FMN2: variants seen among roughly 807,000 people sequenced by gnomAD.
FMN2 encodes formin 2, also known as formin-2.
A neutral mutation model predicts 142.3 loss-of-function variants in FMN2; 51 were observed. The ratio of observed to expected loss-of-function variants is 0.36; its 90% CI spans 0.29 to 0.45. The LOEUF (loss-of-function observed/expected upper bound fraction) is 0.45. FMN2 is among the 20% of genes least tolerant of loss of function. The pLI is 1.00. For synonymous variants in FMN2, 882 were observed against 869.8 expected (o/e 1.01, Z -0.25); for missense variants, 1,936 against 2,122.8 (o/e 0.91, Z 1.73).
At chr1:240,342,501 A>G (rs1277746415) in intron 13 of FMN2, among the ~76,000 whole-genome samples, 1 of 152,146 alleles carries the variant, frequency 6.6e-6, no homozygotes, top group Non-Finnish European at 1.5e-5. Flanking sequence ...GAGCATTCTT[A>G]TTTATAGCCC....
chr1:240,259,902 T>C (rs1668571848), intron 7 of FMN2, among the ~76,000 whole-genome samples: 1 of 152,076 alleles, frequency 6.6e-6, no homozygotes, highest in African/African-American at 2.4e-5. Flanking sequence ...CCTCACCCCC[T>C]CCCACCCTTC....
At chr1:240,397,998 C>CTTTT (rs35919747) in intron 15 of FMN2, among the ~76,000 whole-genome samples, 1 of 140,818 alleles carries the variant, frequency 7.1e-6, no homozygotes, top group African/African-American at 2.6e-5. Flanking sequence ...TAGGCAAGAT[C>CTTTT]TTTTTTTTTT....
intron 6 of FMN2, among the ~76,000 whole-genome samples, chr1:240,228,370 A>G (rs973487644): frequency 6.6e-6 from 1 of 151,020 alleles, no homozygotes; most frequent in Non-Finnish European, 1.5e-5. Flanking sequence ...AAAATGGGCA[A>G]AAGGTTTCAG....
At chr1:240,317,796 G>T (rs371045940) in intron 8 of FMN2, among the ~76,000 whole-genome samples, 2 of 152,100 alleles carry the variant, frequency 1.3e-5, no homozygotes, top group East Asian at 3.9e-4. Context: ...TACAAGTTGT[G>T]TATATTTACG....
intron 16 of FMN2, among the ~76,000 whole-genome samples, chr1:240,456,661 G>A (rs985751402): frequency 6.6e-6 from 1 of 152,096 alleles, no homozygotes; most frequent in African/African-American, 2.4e-5. Flanking sequence ...TCTCCATGTT[G>A]GTCAGACTGG....
intron 6 of FMN2, among the ~76,000 whole-genome samples, chr1:240,234,946 C>T (rs576026344): frequency 6.6e-6 from 1 of 152,278 alleles, no homozygotes; most frequent in South Asian, 2.1e-4. Context: ...ACTACACTTA[C>T]AATTTCAGAT....
At chr1:240,192,857 G>A (rs1446901864) in intron 4 of FMN2, among the ~76,000 whole-genome samples, 1 of 150,916 alleles carries the variant, frequency 6.6e-6, no homozygotes, top group Non-Finnish European at 1.5e-5. Flanking sequence ...TTTTTTTGGT[G>A]TGGGAATAAT....
intron 14 of FMN2, among the ~76,000 whole-genome samples, chr1:240,358,047 T>C (rs2103049888): frequency 6.6e-6 from 1 of 152,362 alleles, no homozygotes; most frequent in East Asian, 1.9e-4. Context: ...CTTCACCTTT[T>C]TGCCATTAAG....
intron 8 of FMN2, among the ~76,000 whole-genome samples, chr1:240,305,951 G>GTTT (rs10577212): frequency 8.2e-6 from 1 of 121,760 alleles, no homozygotes; most frequent in Non-Finnish European, 1.7e-5. Flanking sequence ...ATGCTTGTAA[G>GTTT]TTTTTTTTTT....
At chr1:240,450,317 C>G (rs1046267757) in intron 16 of FMN2, among the ~76,000 whole-genome samples, 2 of 152,022 alleles carry the variant, frequency 1.3e-5, no homozygotes, top group South Asian at 2.1e-4. Flanking sequence ...CTGCAGAATC[C>G]CTTTGAATAT....
intron 2 of FMN2, among the ~76,000 whole-genome samples, chr1:240,146,219 TAA>T (rs35158592): frequency 1.0e-4 from 13 of 127,050 alleles, no homozygotes; most frequent in Non-Finnish European, 9.8e-5. Flanking sequence ...CCGTCTCTAC[TAA>T]AAAAAAAAAA....
chr1:240,230,145 G>A lies in FMN2; in HGVS notation c.4065+18910G>A, dbSNP rs1042854227. On this transcript the variant is annotated intron_variant, in intron 6 of 17. Coordinates refer to ENST00000319653, the MANE Select transcript of FMN2 (RefSeq NM_020066.5). ...AGCCTGGGAAACACAATGAGACCAC[G>A]TCTCTACAAAAAAATACAAAAATTA... Among the ~76,000 whole-genome samples, 3 of 129,266 alleles carry A rather than the reference G, an allele frequency of 2.3e-5. 1 individual carries two copies. Among genetic ancestry groups the A allele is most frequent in the African/African-American group, 1.0e-4 (3 of 29,784 alleles). The allele number at this position is 129,266 out of a possible 152,430, so 84.8% of individuals were successfully genotyped here. A position where few individuals can be genotyped will look rare whatever the true frequency, so the allele number is the denominator to read the frequency against.
intron 14 of FMN2, among the ~76,000 whole-genome samples, chr1:240,374,700 C>T (rs552933613): frequency 3.9e-5 from 6 of 152,248 alleles, no homozygotes; most frequent in African/African-American, 1.2e-4. Flanking sequence ...ATGATCTAAT[C>T]GGACCACTAA....
chr1:240,129,632 A>G (rs1662654878), intron 2 of FMN2, among the ~76,000 whole-genome samples: 1 of 150,854 alleles, frequency 6.6e-6, no homozygotes, highest in Admixed American at 6.6e-5. Flanking sequence ...CCTCCTGAGT[A>G]GCTGGGACTA....
intron 4 of FMN2, 37 bp downstream of exon 4, chr1:240,188,299 G>T: frequency 6.3e-7 from 1 of 1,592,650 alleles, no homozygotes; most frequent in Non-Finnish European, 8.6e-7. Context: ...ATTCCCATCT[G>T]TCTTATTTGT....
At chr1:240,427,435 G>C (rs1674995870) in intron 15 of FMN2, among the ~76,000 whole-genome samples, 1 of 151,740 alleles carries the variant, frequency 6.6e-6, no homozygotes, top group African/African-American at 2.4e-5. Context: ...TCCATCTCCT[G>C]ACCTTGTGAT....
Position 240,473,097 on chromosome 1 carries a change from A to T in FMN2, c.5142+644A>T, listed in dbSNP as rs1676864636. On this transcript the variant is annotated intron_variant, in intron 17 of 17. Coordinates refer to ENST00000319653, the MANE Select transcript of FMN2 (RefSeq NM_020066.5). The surrounding 1 kb of genome is among the most constrained non-coding windows in gnomAD (Gnocchi z 4.3). ...TCACGGCAGAGGCTGTATTTGAGCC[A>T]CGAGTGATCATTCTAATTGGATTAG... Among the ~76,000 whole-genome samples, 1 of 152,134 alleles carries T rather than the reference A, an allele frequency of 6.6e-6. No individual in the cohort carries two copies.
At chr1:240,415,270 C>A (rs1340101854) in intron 15 of FMN2, among the ~76,000 whole-genome samples, 2 of 152,106 alleles carry the variant, frequency 1.3e-5, no homozygotes, top group Non-Finnish European at 2.9e-5. Context: ...TCATTCTCAG[C>A]AAAATAACAC....
intron 15 of FMN2, among the ~76,000 whole-genome samples, chr1:240,406,815 A>G (rs1674221504): frequency 6.6e-6 from 1 of 152,170 alleles, no homozygotes; most frequent in South Asian, 2.1e-4. Context: ...TCTAAAATCA[A>G]TGTAAGGAAG....
Sources: allele counts gnomAD v4.1 joint callset (sites outside exome capture counted in the v4.1 genomes callset), GRCh38; gene constraint gnomAD v4.1.1; non-coding constraint Gnocchi (gnomAD v3.1); transcripts MANE v1.5; gene names NCBI Gene and HGNC (gene_info 2026-07-23, HGNC 2026-07-21).